The following ADPRHL1 variants were observed in gnomAD, a reference collection of about 807,000 sequenced individuals.
ADPRHL1 encodes the protein inactive ADP-ribosyltransferase ARH2.
A neutral mutation model predicts 44.1 loss-of-function variants in ADPRHL1; 43 were observed. That is an observed-to-expected ratio of 0.98 (90% CI 0.76 to 1.26). ADPRHL1 has a LOEUF of 1.26. ADPRHL1 is among the 50% of genes most tolerant of loss of function. ADPRHL1 has a pLI of 0.00. For synonymous variants in ADPRHL1, 878 were observed against 1,017.4 expected (o/e 0.86, Z 2.61); for missense variants, 2,022 against 2,496.9 (o/e 0.81, Z 4.05).
intron 1 of ADPRHL1, among the ~76,000 whole-genome samples, chr13:113,451,412 G>GT (rs2044178656): frequency 6.6e-6 from 1 of 152,088 alleles, no homozygotes; most frequent in Non-Finnish European, 1.5e-5. Context: ...TCTTGGATGC[G>GT]TATTTTCTCA....
chr13:113,440,150 T>G (rs192446042), intron 2 of ADPRHL1, among the ~76,000 whole-genome samples: 14 of 152,358 alleles, frequency 9.2e-5, no homozygotes, highest in Non-Finnish European at 1.8e-4. Context: ...TTTTCTGGTT[T>G]TAAAACGTGA....
At chr13:113,415,080 CT>C (rs1212288724) in intron 7 of ADPRHL1, among the ~76,000 whole-genome samples, 1 of 152,176 alleles carries the variant, frequency 6.6e-6, no homozygotes, top group Non-Finnish European at 1.5e-5. Flanking sequence ...CAGCAACCCC[CT>C]GGGGCAGGTG....
intron 1 of ADPRHL1, among the ~76,000 whole-genome samples, chr13:113,452,075 A>G (rs1310446946): frequency 6.6e-6 from 1 of 152,156 alleles, no homozygotes; most frequent in Non-Finnish European, 1.5e-5. Context: ...CTCAAGAGTG[A>G]GCTCCAGCCG....
intron 7 of ADPRHL1, among the ~76,000 whole-genome samples, chr13:113,418,848 C>CT (rs2043899250): frequency 6.6e-6 from 1 of 152,114 alleles, no homozygotes; most frequent in African/African-American, 2.4e-5. Context: ...CTGCCTGCCC[C>CT]TTCCTGGTGC....
rs1595559604 is a variant in ADPRHL1, at chr13:113,453,142, G to T, written c.214+82C>A. The T allele has an allele frequency of 6.7e-7, 1 of 1,502,748 alleles. No individual in the cohort carries two copies. Among genetic ancestry groups the T allele is most frequent in the Non-Finnish European group, 9.2e-7 (1 of 1,089,260 alleles). The allele number at this position is 1,502,748 out of a possible 1,614,324, so 93.1% of individuals were successfully genotyped here. On this transcript the variant is annotated intron_variant, in intron 1 of 7. Transcript: ENST00000612156. This position sits in a 1 kb window ranked among gnomAD's most constrained non-coding sequence, Gnocchi z 5.4. ...GCTGAAGGACCGCACTGCCTTCAAAGCTCTCGGAGGCTTACTGGGAGAACT... is the reference window on the plus strand; with the variant it reads ...GCTGAAGGACCGCACTGCCTTCAAATCTCTCGGAGGCTTACTGGGAGAACT...
intron 2 of ADPRHL1, among the ~76,000 whole-genome samples, chr13:113,436,503 GAACAC>G (rs2044058444): frequency 1.4e-4 from 1 of 7,218 alleles, no homozygotes; most frequent in African/African-American, 7.2e-4. Context: ...GGTGTAGAGT[GAACAC>G]AGGTGTACCC....
At chr13:113,448,214 G>T (rs1029867749) in intron 1 of ADPRHL1, among the ~76,000 whole-genome samples, 1 of 152,046 alleles carries the variant, frequency 6.6e-6, no homozygotes, top group African/African-American at 2.4e-5. Flanking sequence ...TGCCTGAGGG[G>T]CCGGGTGCAG....
Position 113,404,546 on chromosome 13 carries a change from T to C in ADPRHL1, c.4736A>G (p.Gln1579Arg). The part of the protein sequence containing the change: ...QEPAQGGAQG[Q>R]VQGQAQKWAQ... Reference sequence around the variant, plus strand: ...CCATTTCTGGGCCTGTCCCTGAACCTGTCCCTGGGCCCCACCCTGAGCTGG... The same window carrying C: ...CCATTTCTGGGCCTGTCCCTGAACCCGTCCCTGGGCCCCACCCTGAGCTGG... Residue 1579 changes from glutamine to arginine, a missense_variant, in exon 8 of 8, where the codon CAG (glutamine) becomes CGG (arginine). Physicochemically the swap from Gln to Arg is conservative, Grantham distance 43 (BLOSUM62 1). This residue lies in a region of ADPRHL1 where 78 missense variants were observed against 76.5 expected (regional missense o/e 1.02). Transcript: ENST00000612156. The C allele has an allele frequency of 7.7e-7, 1 of 1,295,956 alleles. No individual in the cohort carries two copies. Among genetic ancestry groups the C allele is most frequent in the South Asian group, 2.4e-5 (1 of 41,484 alleles). The allele number at this position is 1,295,956 out of a possible 1,614,324, so 80.3% of individuals were successfully genotyped here.
At chr13:113,417,826 A>G (rs1483566352) in intron 7 of ADPRHL1, among the ~76,000 whole-genome samples, 1 of 72,754 alleles carries the variant, frequency 1.4e-5, no homozygotes, top group Non-Finnish European at 3.1e-5. Flanking sequence ...GGGGAGCTGC[A>G]GTGCCTGCAC....
Position 113,405,788 on chromosome 13 carries a change from A to G in ADPRHL1, c.3494T>C (p.Leu1165Pro). ...LSESHPRGEA[L>P]PRDPHSHGLL... Reference sequence around the variant, plus strand: ...GCCGTGGCTGTGAGGGTCTCGAGGGAGAGCCTCTCCTCTGGGGTGGCTTTC... The same window carrying G: ...GCCGTGGCTGTGAGGGTCTCGAGGGGGAGCCTCTCCTCTGGGGTGGCTTTC... The change falls in exon 8 of 8, where the codon CTC becomes CCC. Residue 1165 changes from leucine to proline, a missense_variant. Physicochemically the swap from Leu to Pro is moderately conservative, Grantham distance 98. Around this residue, in one of 8 missense-constraint regions of ADPRHL1, gnomAD observed 1,221 missense variants for 1,517.8 expected, o/e 0.80. Coordinates refer to ENST00000612156, the MANE Select transcript of ADPRHL1 (RefSeq NM_001394807.1). 1 of 1,231,756 alleles carries G rather than the reference A, an allele frequency of 8.1e-7. No individual in the cohort carries two copies. The allele number at this position is 1,231,756 out of a possible 1,614,324, so 76.3% of individuals were successfully genotyped here. A position where few individuals can be genotyped will look rare whatever the true frequency, so the allele number is the denominator to read the frequency against.
rs2043958175 is a variant in ADPRHL1 at position 113,425,070 on chromosome 13, AT to A, written c.755del (p.Asp252ValfsTer27). 1 of 1,613,530 alleles carries A rather than the reference AT, an allele frequency of 6.2e-7. No individual in the cohort carries two copies. Among genetic ancestry groups the A allele is most frequent in the African/African-American group, 1.3e-5 (1 of 74,918 alleles). On this transcript the variant is annotated frameshift_variant, in exon 5 of 8. Transcript: ENST00000612156. LOFTEE classifies it high-confidence loss of function. ...ENKAIFPDNY[D>X]AEEREKTYRK... ...GGCTTACCTTTTCCCTCTCTTCTGCATCATAATTGTCGGGGAAGATGGCTTT... is the reference window on the plus strand; with the variant it reads ...GGCTTACCTTTTCCCTCTCTTCTGCACATAATTGTCGGGGAAGATGGCTTT...
intron 6 of ADPRHL1, among the ~76,000 whole-genome samples, chr13:113,423,256 C>CA (rs72092761): frequency 1.4e-4 from 21 of 149,088 alleles, no homozygotes; most frequent in African/African-American, 2.7e-4. Flanking sequence ...GATCCTGTCT[C>CA]AAAAAAAAAA....
rs1179587093 is a variant in ADPRHL1, at chr13:113,420,949, C to CG, written c.1061+1876_1061+1877insC. On this transcript the variant is annotated intron_variant, in intron 7 of 7. Coordinates refer to ENST00000612156, the MANE Select transcript of ADPRHL1 (RefSeq NM_001394807.1). ...ATGCCCACCCCTGGGACAACCCTAC[C>CG]CCCCCCGACACGCCCTGGGACACGC... Among the ~76,000 whole-genome samples the CG allele has an allele frequency of 2.0e-4, 7 of 34,580 alleles. 1 individual carries two copies. The highest frequency in any genetic ancestry group is 6.9e-4 in the Non-Finnish European group (7 of 10,130). 22.7% of individuals were successfully genotyped at this position (34,580 alleles called of 152,430 possible). A position where few individuals can be genotyped will look rare whatever the true frequency, so the allele number is the denominator to read the frequency against.
rs556657681 is a variant in ADPRHL1, at chr13:113,429,239, T to C, written c.506-147A>G. ...GTTCAGGTGCACAGTTCGGCGGCAT[T>C]AACCACGTTCACACTGTGGACATTC... On this transcript the variant is annotated intron_variant, in intron 3 of 7. Coordinates refer to ENST00000612156, the MANE Select transcript of ADPRHL1 (RefSeq NM_001394807.1). 7.5e-6 allele frequency: 8 copies of C among 1,068,334 alleles called. No individual in the cohort carries two copies. In the African/African-American group the frequency reaches 1.1e-4, roughly 15 times the overall value. The allele number at this position is 1,068,334 out of a possible 1,614,324, so 66.2% of individuals were successfully genotyped here.
intron 7 of ADPRHL1, among the ~76,000 whole-genome samples, chr13:113,421,472 C>T (rs1334271880): frequency 3.3e-5 from 5 of 151,952 alleles, no homozygotes; most frequent in Admixed American, 6.5e-5. Flanking sequence ...ACATGCCTAC[C>T]CCCAGGACAC....
intron 4 of ADPRHL1, 73 bp from the exon 5 acceptor site, chr13:113,425,252 T>A: frequency 1.6e-4 from 1 of 6,358 alleles, no homozygotes; most frequent in Non-Finnish European, 2.8e-4. Flanking sequence ...GAGTTGGGGG[T>A]GGGGAGGGTG....
At chr13:113,432,184 C>T (rs1409899752) in intron 3 of ADPRHL1, among the ~76,000 whole-genome samples, 1 of 152,022 alleles carries the variant, frequency 6.6e-6, no homozygotes, top group Non-Finnish European at 1.5e-5. Context: ...AGTGCAATGG[C>T]GCAAACACAG....
In ADPRHL1 at chr13:113,428,957, G is replaced by T. The variant is rs563174718; in HGVS notation, c.641C>A (p.Thr214Lys). 6.2e-7 allele frequency: 1 copy of T among 1,612,372 alleles called. No homozygotes were observed. The highest frequency in any genetic ancestry group is 1.7e-5 in the Admixed American group (1 of 60,016). The part of the protein sequence containing the change: ...EEYCRKTIRH[T>K]AEYQEHWFYF... ...GGGCCGGGGGAGCGGCTCACCTGCC[G>T]TGTGCCGGATGGTCTTCCTGCAGTA... is the stretch of plus-strand genomic sequence containing the variant. Residue 214 changes from threonine (T) to lysine (K), a missense_variant, in exon 4 of 8, where the codon ACG becomes AAG. This residue lies in a region of ADPRHL1 where 437 missense variants were observed against 430.7 expected (regional missense o/e 1.01). Coordinates refer to ENST00000612156, the MANE Select transcript of ADPRHL1 (RefSeq NM_001394807.1).
rs1266473806 is a variant in ADPRHL1 at position 113,441,478 on chromosome 13, TG to T, written c.379+2946del. ...TCTGCAGCTCGTTACAGCTGTGGGATGACACTGTGGCATACACGGTGTGGGA... is the reference window on the plus strand; with the variant it reads ...TCTGCAGCTCGTTACAGCTGTGGGATACACTGTGGCATACACGGTGTGGGA... On this transcript the variant is annotated intron_variant, in intron 2 of 7. Transcript: ENST00000612156. The surrounding 1 kb of genome is among the most constrained non-coding windows in gnomAD (Gnocchi z 6.0). 6.6e-6 allele frequency among the ~76,000 whole-genome samples: 1 copy of T among 152,192 alleles called. No homozygotes were observed. The highest frequency in any genetic ancestry group is 3.2e-3 in the Middle Eastern group (1 of 316).
Sources: allele counts gnomAD v4.1 joint callset (sites outside exome capture counted in the v4.1 genomes callset), GRCh38; gene constraint gnomAD v4.1.1; regional missense constraint gnomAD v4.1.1; non-coding constraint Gnocchi (gnomAD v3.1); transcripts MANE v1.5; gene names NCBI Gene and HGNC (gene_info 2026-07-23, HGNC 2026-07-21).